Variants in FNDC3A observed in about 807,000 individuals in gnomAD.
FNDC3A encodes the protein fibronectin type-III domain-containing protein 3A.
A neutral mutation model predicts 148.9 loss-of-function variants in FNDC3A; 32 were observed. The ratio of observed to expected loss-of-function variants is 0.21; its 90% CI spans 0.16 to 0.29. FNDC3A has a LOEUF of 0.29. FNDC3A is among the 10% of genes least tolerant of loss of function. The pLI is 1.00. For synonymous variants in FNDC3A, 472 were observed against 473.6 expected, an observed-to-expected ratio of 1.00 and a Z score of 0.04; for missense variants, 1,191 against 1,452.8, an observed-to-expected ratio of 0.82 and a Z score of 2.93.
intron 8 of FNDC3A, among the ~76,000 whole-genome samples, chr13:49,148,467 G>A (rs1470980173): frequency 6.6e-6 from 1 of 152,070 alleles, no homozygotes; most frequent in African/African-American, 2.4e-5. Context: ...ATTGAGAAGG[G>A]TATCCTTTCC....
chr13:49,179,978 A>G (rs980180719), intron 14 of FNDC3A, among the ~76,000 whole-genome samples: 2 of 152,218 alleles, frequency 1.3e-5, no homozygotes, highest in Non-Finnish European at 2.9e-5. Context: ...ACAGCTAGGA[A>G]CTATATGTGT....
chr13:49,019,644 A>C (rs184222894), intron 2 of FNDC3A, among the ~76,000 whole-genome samples: 1 of 152,160 alleles, frequency 6.6e-6, no homozygotes, highest in Non-Finnish European at 1.5e-5. Flanking sequence ...TAATTTTTCA[A>C]TGTTTAACTG....
At chr13:49,150,977 GTATTGTGTACTGACA>G (rs1883257740) in intron 8 of FNDC3A, among the ~76,000 whole-genome samples, 2 of 151,100 alleles carry the variant, frequency 1.3e-5, no homozygotes, top group Admixed American at 6.6e-5. Flanking sequence ...GTTGAGACCT[GTATTGTGTACTGACA>G]TATGGTCTAC....
intron 2 of FNDC3A, among the ~76,000 whole-genome samples, chr13:49,028,994 G>A (rs540277507): frequency 1.3e-5 from 2 of 152,186 alleles, no homozygotes; most frequent in South Asian, 4.1e-4. Flanking sequence ...TTTTTCTTGA[G>A]ACAAGGTTTT....
chr13:49,008,987 A>G (rs1015342263), intron 2 of FNDC3A, among the ~76,000 whole-genome samples: 5 of 152,142 alleles, frequency 3.3e-5, no homozygotes, highest in African/African-American at 7.2e-5. Context: ...TTGATGCGTT[A>G]TTATTAAGTA....
chr13:49,152,119 A>AT (rs1212277198), intron 8 of FNDC3A, among the ~76,000 whole-genome samples: 7 of 152,146 alleles, frequency 4.6e-5, no homozygotes, highest in African/African-American at 1.7e-4. Flanking sequence ...GTGAAATGGT[A>AT]TTTCTAGTTC....
intron 5 of FNDC3A, among the ~76,000 whole-genome samples, chr13:49,131,585 A>G (rs1292624037): frequency 6.6e-6 from 1 of 152,198 alleles, no homozygotes; most frequent in East Asian, 1.9e-4. Context: ...GAAGGGAAGT[A>G]ACTTATATCA....
intron 5 of FNDC3A, among the ~76,000 whole-genome samples, chr13:49,134,262 G>A (rs1168726665): frequency 6.6e-6 from 1 of 151,960 alleles, no homozygotes; most frequent in Admixed American, 6.6e-5. Flanking sequence ...ATACATATAA[G>A]TATTTCATAT....
chr13:49,178,954 T>G (rs1179228963), intron 14 of FNDC3A, among the ~76,000 whole-genome samples: 2 of 152,146 alleles, frequency 1.3e-5, no homozygotes, highest in Non-Finnish European at 2.9e-5. Flanking sequence ...CTCACACTCC[T>G]CGGTTCAAGT....
At position 49,198,454 on chromosome 13, in the gene FNDC3A, G is replaced by T. The variant is rs768515483; in HGVS notation, c.2867G>T (p.Arg956Leu). Residue 956 changes from arginine (R) to leucine (L), a missense_variant, in exon 23 of 26, where the codon CGT becomes CTT. Physicochemically the swap from Arg to Leu is moderately radical, Grantham distance 102. This residue lies in a region of FNDC3A where 751 missense variants were observed against 944.0 expected (regional missense o/e 0.80). Coordinates refer to ENST00000492622, the MANE Select transcript of FNDC3A (RefSeq NM_001079673.2). ...KTKPLPPDPP[R>L]LECVAFSHQN... ...AAGCCTCTCCCTCCTGATCCACCTC[G>T]TCTGGAATGTGTTGCCTTTAGCCAC... The T allele has an allele frequency of 1.3e-5, 21 of 1,613,930 alleles. No homozygotes were observed. The highest frequency in any genetic ancestry group is 1.4e-5 in the Non-Finnish European group (16 of 1,179,980).
intron 3 of FNDC3A, among the ~76,000 whole-genome samples, chr13:49,080,507 A>G (rs1878399343): frequency 6.6e-6 from 1 of 152,210 alleles, no homozygotes; most frequent in African/African-American, 2.4e-5. Flanking sequence ...GAAACAATCT[A>G]ACTTGTTCTT....
chr13:49,034,696 AT>A (rs373419739), intron 2 of FNDC3A, among the ~76,000 whole-genome samples: 36 of 152,204 alleles, frequency 2.4e-4, no homozygotes, highest in African/African-American at 8.4e-4. Context: ...AACTTACTTC[AT>A]AAAGATAAGG....
intron 3 of FNDC3A, among the ~76,000 whole-genome samples, chr13:49,087,725 G>C (rs1164311711): frequency 6.6e-6 from 1 of 152,066 alleles, no homozygotes; most frequent in Non-Finnish European, 1.5e-5. Flanking sequence ...TTTCCATTTA[G>C]TTTGATTTTA....
chr13:49,139,148 G>A (rs1566277419), intron 7 of FNDC3A, among the ~76,000 whole-genome samples: 1 of 152,156 alleles, frequency 6.6e-6, no homozygotes, highest in Non-Finnish European at 1.5e-5. Flanking sequence ...AATAGGAGAG[G>A]TTGTTAGGTT....
At chr13:49,093,099 G>C (rs1879293224) in intron 3 of FNDC3A, among the ~76,000 whole-genome samples, 1 of 152,082 alleles carries the variant, frequency 6.6e-6, no homozygotes, top group Non-Finnish European at 1.5e-5. Context: ...CAACTGGGGA[G>C]TTTAAACATA....
At chr13:49,184,546 G>A (rs1885466349) in intron 14 of FNDC3A, among the ~76,000 whole-genome samples, 1 of 152,170 alleles carries the variant, frequency 6.6e-6, no homozygotes, top group African/African-American at 2.4e-5. Context: ...TCAACCGAGA[G>A]GAAGAATAGA....
chr13:49,072,242 C>T (rs931370184), intron 2 of FNDC3A, among the ~76,000 whole-genome samples: 2 of 152,088 alleles, frequency 1.3e-5, no homozygotes, highest in African/African-American at 2.4e-5. Context: ...AATAGAAAAC[C>T]GGTTTTCTGA....
intron 5 of FNDC3A, among the ~76,000 whole-genome samples, chr13:49,135,487 G>A (rs1263137776): frequency 1.3e-5 from 2 of 152,026 alleles, no homozygotes; most frequent in African/African-American, 4.8e-5. Flanking sequence ...TTACATTTGG[G>A]TCATTGATTC....
chr13:49,193,906 G>A (rs1364078367), intron 19 of FNDC3A, among the ~76,000 whole-genome samples: 5 of 148,026 alleles, frequency 3.4e-5, no homozygotes, highest in East Asian at 2.0e-4. Flanking sequence ...GCGACAGAGT[G>A]AGACTCTGTC....
Sources: allele counts gnomAD v4.1 joint callset (sites outside exome capture counted in the v4.1 genomes callset), GRCh38; gene constraint gnomAD v4.1.1; regional missense constraint gnomAD v4.1.1; transcripts MANE v1.5; gene names NCBI Gene and HGNC (gene_info 2026-07-23, HGNC 2026-07-21).